RAD51B: variants seen among roughly 807,000 people sequenced by gnomAD.
The protein encoded by RAD51B is RAD51 paralog B, also known as DNA repair protein RAD51 homolog 2.
A neutral mutation model predicts 42.2 loss-of-function variants in RAD51B; 38 were observed. The ratio of observed to expected loss-of-function variants is 0.90; its 90% CI spans 0.70 to 1.18. RAD51B has a LOEUF of 1.18. RAD51B is among the 50% of genes most tolerant of loss of function. RAD51B has a pLI of 0.00. For synonymous variants in RAD51B, 154 were observed against 145.2 expected (o/e 1.06, Z -0.43); for missense variants, 373 against 400.7 (o/e 0.93, Z 0.59).
intron 7 of RAD51B, among the ~76,000 whole-genome samples, chr14:68,113,475 T>C (rs2077491205): frequency 6.6e-6 from 1 of 152,106 alleles, no homozygotes; most frequent in Non-Finnish European, 1.5e-5. Context: ...ATGAGGCTGG[T>C]GCAAATAAGG....
At chr14:68,656,047 G>A (rs551630182) in intron 11 of RAD51B, among the ~76,000 whole-genome samples, 3 of 152,180 alleles carry the variant, frequency 2.0e-5, no homozygotes, top group Admixed American at 6.5e-5. Context: ...CATGGTCCAG[G>A]TGCTGGCTTT....
intron 10 of RAD51B, among the ~76,000 whole-genome samples, chr14:68,624,285 T>A (rs1157808709): frequency 6.6e-6 from 1 of 152,162 alleles, no homozygotes; most frequent in Non-Finnish European, 1.5e-5. Flanking sequence ...AGGCAACTCA[T>A]ACTTAGGGGC....
intron 7 of RAD51B, among the ~76,000 whole-genome samples, chr14:67,902,290 A>T (rs1235166859): frequency 6.6e-6 from 1 of 152,094 alleles, no homozygotes; most frequent in African/African-American, 2.4e-5. Context: ...GCACTTTCAT[A>T]TATAATAATT....
At chr14:68,566,826 T>C (rs1889443762) in intron 10 of RAD51B, among the ~76,000 whole-genome samples, 1 of 152,124 alleles carries the variant, frequency 6.6e-6, no homozygotes, top group East Asian at 1.9e-4. Context: ...AGATTCTTCA[T>C]TATCTGGCCC....
chr14:67,991,795 A>T (rs546198986), intron 7 of RAD51B, among the ~76,000 whole-genome samples: 4 of 152,186 alleles, frequency 2.6e-5, no homozygotes, highest in Non-Finnish European at 5.9e-5. Context: ...TAAACATAGG[A>T]GTGCAGATAT....
intron 7 of RAD51B, among the ~76,000 whole-genome samples, chr14:67,993,114 A>G (rs986689918): frequency 6.6e-6 from 1 of 152,128 alleles, no homozygotes; most frequent in Non-Finnish European, 1.5e-5. Flanking sequence ...GTAGTTCTGT[A>G]TATTTATAGA....
At chr14:68,632,802 G>A (rs1022731495) in intron 10 of RAD51B, among the ~76,000 whole-genome samples, 10 of 152,030 alleles carry the variant, frequency 6.6e-5, no homozygotes, top group Admixed American at 6.6e-4. Context: ...TACAGTCAGG[G>A]CCTTGCTCTG....
chr14:68,024,934 CA>C (rs2075927495), intron 7 of RAD51B, among the ~76,000 whole-genome samples: 1 of 151,938 alleles, frequency 6.6e-6, no homozygotes, highest in Admixed American at 6.6e-5. Context: ...TTCCAGTTCT[CA>C]AGGGGAATTG....
At chr14:68,060,946 G>T (rs141638654) in intron 7 of RAD51B, among the ~76,000 whole-genome samples, 1 of 150,872 alleles carries the variant, frequency 6.6e-6, no homozygotes, top group African/African-American at 2.4e-5. Flanking sequence ...GTCTGTTTTT[G>T]TGTCAGTACC....
intron 10 of RAD51B, among the ~76,000 whole-genome samples, chr14:68,609,295 C>T (rs553941921): frequency 6.6e-6 from 1 of 152,290 alleles, no homozygotes; most frequent in South Asian, 2.1e-4. Flanking sequence ...TCTGGCTCTC[C>T]CCTGAGGCCA....
At chr14:68,587,654 C>T (rs145986659) in intron 10 of RAD51B, among the ~76,000 whole-genome samples, 3 of 152,202 alleles carry the variant, frequency 2.0e-5, no homozygotes, top group African/African-American at 7.2e-5. Flanking sequence ...AGTCCTACCC[C>T]AGTCCCGCAG....
At chr14:68,355,221 T>C (rs1267305032) in intron 8 of RAD51B, among the ~76,000 whole-genome samples, 1 of 152,242 alleles carries the variant, frequency 6.6e-6, no homozygotes, top group Non-Finnish European at 1.5e-5. Context: ...CATATTTGTT[T>C]GTTAACTCTT....
At chr14:68,558,791 A>G (rs1263514982) in intron 10 of RAD51B, among the ~76,000 whole-genome samples, 1 of 152,182 alleles carries the variant, frequency 6.6e-6, no homozygotes, top group Admixed American at 6.5e-5. Flanking sequence ...ATATATTTTT[A>G]TTTCAAAAAT....
intron 7 of RAD51B, among the ~76,000 whole-genome samples, chr14:68,062,854 C>A (rs1177044491): frequency 6.6e-6 from 1 of 150,894 alleles, no homozygotes; most frequent in Non-Finnish European, 1.5e-5. Context: ...AGAATTCAGC[C>A]TTGAAGCCAT....
chr14:68,545,416 T>C (rs1006839773), intron 10 of RAD51B: 2 of 346,732 alleles, frequency 5.8e-6, no homozygotes, highest in Non-Finnish European at 1.1e-5. Context: ...CTTCAGGCTC[T>C]TCACAGTCAA....
chr14:67,831,965 A>G (rs915288531), intron 3 of RAD51B, among the ~76,000 whole-genome samples: 3 of 152,184 alleles, frequency 2.0e-5, no homozygotes, highest in Admixed American at 1.3e-4. Context: ...GTATCCCCAC[A>G]TGCATCCACG....
chr14:67,888,496 G>A (rs1325006300), intron 7 of RAD51B, among the ~76,000 whole-genome samples: 2 of 152,152 alleles, frequency 1.3e-5, no homozygotes, highest in Non-Finnish European at 2.9e-5. Flanking sequence ...AAGAGGCTGA[G>A]GTGGGAGGAT....
chr14:68,256,658 T>C (rs911599046), intron 7 of RAD51B, among the ~76,000 whole-genome samples: 2 of 152,184 alleles, frequency 1.3e-5, no homozygotes, highest in Admixed American at 1.3e-4. Flanking sequence ...ACTTTGCTTT[T>C]TCTCTGAGGC....
chr14:68,145,042 C>T (rs750564199), intron 7 of RAD51B, among the ~76,000 whole-genome samples: 3 of 152,070 alleles, frequency 2.0e-5, no homozygotes, highest in Non-Finnish European at 4.4e-5. Flanking sequence ...GCATTGTCTA[C>T]AATTCATAGA....
Sources: allele counts gnomAD v4.1 joint callset (sites outside exome capture counted in the v4.1 genomes callset), GRCh38; gene constraint gnomAD v4.1.1; transcripts MANE v1.5; gene names NCBI Gene and HGNC (gene_info 2026-07-23, HGNC 2026-07-21).